OSTN: variants seen among roughly 807,000 people sequenced by gnomAD.
OSTN encodes osteocrin.
A neutral mutation model predicts 12.0 loss-of-function variants in OSTN; 9 were observed. That is an observed-to-expected ratio of 0.75 (90% CI 0.45 to 1.30). OSTN has a LOEUF of 1.30. Ranked by LOEUF, OSTN falls within the 50% of genes most tolerant of loss-of-function variation. OSTN has a pLI of 0.00. For missense variants in OSTN, 148 were observed against 152.3 expected (o/e 0.97, Z 0.15); for synonymous variants, 59 against 56.9 (o/e 1.04, Z -0.16).
At position 191,199,605 on chromosome 3, in the gene OSTN, A is replaced by C. The variant is rs529984686; in HGVS notation, c.-1+298A>C. On this transcript the variant is annotated intron_variant, in intron 1 of 4. Transcript: ENST00000682035. The stretch of plus-strand genomic sequence containing the variant: ...TATACATATATATGTTATTAGCGTT[A>C]TTTTGCTTTCCTCAAAATTGTGTAA... Among the ~76,000 whole-genome samples, 20 of 152,218 alleles carry C rather than the reference A, an allele frequency of 1.3e-4. No individual in the cohort carries two copies. In the East Asian group the frequency reaches 3.9e-3, roughly 29 times the overall value.
chr3:191,255,204 A>C (rs1715644533), intron 4 of OSTN, among the ~76,000 whole-genome samples: 1 of 152,160 alleles, frequency 6.6e-6, no homozygotes, highest in Non-Finnish European at 1.5e-5. Flanking sequence ...TCTTATGAGA[A>C]TCTAATGCCA....
intron 3 of OSTN, among the ~76,000 whole-genome samples, chr3:191,241,427 A>G (rs9808964): frequency 0.29 from 44,412 of 151,312 alleles, 8,114 homozygotes; most frequent in Middle Eastern, 0.52. Context: ...CTCGTGATCC[A>G]CCCGCCTCGG....
At chr3:191,250,181 T>C (rs2108552183) in intron 4 of OSTN, 48 bp downstream of exon 4, 1 of 1,338,676 alleles carries the variant, frequency 7.5e-7, no homozygotes, top group African/African-American at 1.4e-5. Flanking sequence ...ATTTGATTAA[T>C]ATTTCACAAT....
In OSTN at chr3:191,263,347, A is replaced by G. The variant is rs1340175078; in HGVS notation, c.*494A>G. On this transcript the variant is annotated 3_prime_UTR_variant, in exon 5 of 5. Coordinates refer to ENST00000682035, the MANE Select transcript of OSTN (RefSeq NM_198184.2). ...TCCAAGAGTCTGATCGGTAATAATTATGAAATTAGGCTTCTCTTTTCATAT... is the reference window on the plus strand; with the variant it reads ...TCCAAGAGTCTGATCGGTAATAATTGTGAAATTAGGCTTCTCTTTTCATAT... 1 of 152,602 alleles carries G rather than the reference A, an allele frequency of 6.6e-6. No individual in the cohort carries two copies. Among genetic ancestry groups the G allele is most frequent in the African/African-American group, 2.4e-5 (1 of 41,454 alleles). 9.5% of individuals were successfully genotyped at this position (152,602 alleles called of 1,614,324 possible). A position where few individuals can be genotyped will look rare whatever the true frequency, so the allele number is the denominator to read the frequency against.
intron 3 of OSTN, among the ~76,000 whole-genome samples, chr3:191,242,250 A>G (rs373319861): frequency 1.3e-5 from 2 of 152,196 alleles, no homozygotes; most frequent in East Asian, 3.8e-4. Flanking sequence ...CCTACAACAT[A>G]TATTCTTAAA....
chr3:191,223,062 C>T (rs1259725345), intron 3 of OSTN, among the ~76,000 whole-genome samples: 1 of 152,034 alleles, frequency 6.6e-6, no homozygotes, highest in Non-Finnish European at 1.5e-5. Flanking sequence ...ATTACCCAGT[C>T]TCAGGTATGT....
intron 2 of OSTN, among the ~76,000 whole-genome samples, chr3:191,215,145 G>A (rs528024285): frequency 6.6e-6 from 1 of 152,178 alleles, no homozygotes; most frequent in Admixed American, 6.5e-5. Context: ...GGTGAAGAAA[G>A]GCATATTCTT....
intron 3 of OSTN, among the ~76,000 whole-genome samples, chr3:191,247,212 G>C (rs1042991734): frequency 2.6e-5 from 4 of 152,080 alleles, no homozygotes; most frequent in Non-Finnish European, 5.9e-5. Context: ...CAAAGACATA[G>C]AGCATGACTG....
chr3:191,263,687 C>A lies in OSTN; in HGVS notation c.*834C>A, dbSNP rs765552001. 2 of 152,108 alleles carry A rather than the reference C, an allele frequency of 1.3e-5. No individual in the cohort carries two copies. 9.4% of individuals were successfully genotyped at this position (152,108 alleles called of 1,614,324 possible). ...TAGTACAATGTGATCTTTTTGATAT[C>A]TTGGATTAATCTAAGAAACTGTTTA... is the stretch of plus-strand genomic sequence containing the variant. On this transcript the variant is annotated 3_prime_UTR_variant, in exon 5 of 5. Transcript: ENST00000682035.
chr3:191,205,686 T>C (rs1042009028), intron 1 of OSTN, among the ~76,000 whole-genome samples: 2 of 152,084 alleles, frequency 1.3e-5, no homozygotes, highest in South Asian at 4.1e-4. Context: ...AAATTATTAA[T>C]ATTATTTATG....
chr3:191,239,641 G>C (rs147649540), intron 3 of OSTN, among the ~76,000 whole-genome samples: 1 of 152,338 alleles, frequency 6.6e-6, no homozygotes, highest in East Asian at 1.9e-4. Flanking sequence ...TATCACTTTT[G>C]AGACAGAATC....
intron 3 of OSTN, among the ~76,000 whole-genome samples, chr3:191,221,670 C>A (rs775913087): frequency 2.0e-5 from 3 of 151,454 alleles, no homozygotes; most frequent in African/African-American, 2.4e-5. Flanking sequence ...CAAGAGGAAG[C>A]AGGGCATAAA....
intron 3 of OSTN, among the ~76,000 whole-genome samples, chr3:191,221,957 A>T (rs1463854913): frequency 1.3e-5 from 2 of 152,222 alleles, no homozygotes; most frequent in Non-Finnish European, 2.9e-5. Context: ...GCCTTGGCTA[A>T]AAAGGGCCAA....
At chr3:191,256,601 G>A (rs13316605) in intron 4 of OSTN, among the ~76,000 whole-genome samples, 53,952 of 149,334 alleles carry the variant, frequency 0.36, 9,921 homozygotes, top group Admixed American at 0.47. Flanking sequence ...GAGGCAAACT[G>A]AAACTGTCTC....
intron 4 of OSTN, among the ~76,000 whole-genome samples, chr3:191,251,354 T>C (rs188792756): frequency 1.3e-3 from 194 of 152,264 alleles, no homozygotes; most frequent in Non-Finnish European, 2.3e-3. Context: ...TTTCTTCCAA[T>C]AGGACTTATA....
intron 3 of OSTN, among the ~76,000 whole-genome samples, chr3:191,235,180 G>A (rs1046830208): frequency 1.3e-5 from 2 of 152,274 alleles, no homozygotes; most frequent in East Asian, 1.9e-4. Context: ...CCCAAAGGCA[G>A]GTATTAATGG....
At chr3:191,247,507 C>T (rs542440408) in intron 3 of OSTN, among the ~76,000 whole-genome samples, 1 of 152,152 alleles carries the variant, frequency 6.6e-6, no homozygotes, top group South Asian at 2.1e-4. Flanking sequence ...AAAGATCACA[C>T]ATATAGTCGA....
At chr3:191,258,535 A>C (rs1224067802) in intron 4 of OSTN, among the ~76,000 whole-genome samples, 7 of 40,712 alleles carry the variant, frequency 1.7e-4, no homozygotes, top group Non-Finnish European at 2.8e-4. Flanking sequence ...AGAAACACCA[A>C]ATGCACGCGG....
chr3:191,258,256 C>T, intron 4 of OSTN, among the ~76,000 whole-genome samples: 1 of 152,176 alleles, frequency 6.6e-6, no homozygotes. Context: ...AGATAGGTAG[C>T]TTTTAATTCA....
Sources: allele counts gnomAD v4.1 joint callset (sites outside exome capture counted in the v4.1 genomes callset), GRCh38; gene constraint gnomAD v4.1.1; transcripts MANE v1.5; gene names NCBI Gene and HGNC (gene_info 2026-07-23, HGNC 2026-07-21).